SOX5: variants seen among roughly 807,000 people sequenced by gnomAD.
SOX5 encodes the protein transcription factor SOX-5.
A neutral mutation model predicts 92.0 loss-of-function variants in SOX5; 9 were observed. The observed-to-expected ratio is 0.10, with a 90% CI of 0.06 to 0.17. SOX5 has a LOEUF of 0.17. SOX5 is among the 10% of genes least tolerant of loss of function. SOX5 has a pLI of 1.00. For synonymous variants in SOX5, 344 were observed against 336.3 expected, an observed-to-expected ratio of 1.02 and a Z score of -0.25; for missense variants, 642 against 944.5, an observed-to-expected ratio of 0.68 and a Z score of 4.20.
At chr12:23,590,671 TTC>T (rs1951405783) in intron 9 of SOX5, among the ~76,000 whole-genome samples, 1 of 152,088 alleles carries the variant, frequency 6.6e-6, no homozygotes, top group Admixed American at 6.5e-5. Context: ...TTAATTGCTG[TTC>T]TTTTTTTATT....
chr12:24,531,334 A>G (rs1951179911), intron 1 of SOX5, among the ~76,000 whole-genome samples: 2 of 152,204 alleles, frequency 1.3e-5, no homozygotes. Context: ...TGGACAACTT[A>G]GCTCAGAATT....
At chr12:24,442,123 A>T (rs898629011) in intron 1 of SOX5, among the ~76,000 whole-genome samples, 1 of 152,216 alleles carries the variant, frequency 6.6e-6, no homozygotes, top group Non-Finnish European at 1.5e-5. Flanking sequence ...ACACTTTCTT[A>T]AAAAAGGTAT....
intron 1 of SOX5, among the ~76,000 whole-genome samples, chr12:24,410,709 T>G (rs186861195): frequency 1.3e-5 from 2 of 152,368 alleles, no homozygotes. Flanking sequence ...TGTTGATCAC[T>G]ACAGTTACAT....
chr12:24,044,472 G>A (rs1395861088), intron 4 of SOX5, among the ~76,000 whole-genome samples: 8 of 152,122 alleles, frequency 5.3e-5, no homozygotes, highest in African/African-American at 1.9e-4. Flanking sequence ...TCACGATAAG[G>A]CAGGATCTTC....
At chr12:24,100,397 CAA>C (rs969687754) in intron 4 of SOX5, among the ~76,000 whole-genome samples, 2 of 152,132 alleles carry the variant, frequency 1.3e-5, no homozygotes, top group African/African-American at 4.8e-5. Flanking sequence ...TACATTTCAC[CAA>C]AGTCAGTCCT....
chr12:24,165,127 A>G (rs1953244463), intron 4 of SOX5, among the ~76,000 whole-genome samples: 1 of 152,106 alleles, frequency 6.6e-6, no homozygotes, highest in Middle Eastern at 3.2e-3. Flanking sequence ...AACTTTGTGC[A>G]TATGCCTAGT....
chr12:24,351,127 A>C (rs138051210), intron 2 of SOX5, among the ~76,000 whole-genome samples: 1 of 152,234 alleles, frequency 6.6e-6, no homozygotes, highest in East Asian at 1.9e-4. Context: ...AAATTATACA[A>C]CTGATTATCC....
At chr12:23,575,061 G>A (rs1476744401) in intron 10 of SOX5, among the ~76,000 whole-genome samples, 1 of 152,176 alleles carries the variant, frequency 6.6e-6, no homozygotes, top group Non-Finnish European at 1.5e-5. Flanking sequence ...TCTGCAGTCT[G>A]ATTTATGTAT....
rs557831685 is a variant in SOX5, at chr12:24,159,862, C to G, written c.-2+53481G>C. ...ATGAAACATTATTCAGAATACAGTA[C>G]TTGGACGAAAAGTATATTCTCCCCA... On this transcript the variant is annotated intron_variant, in intron 4 of 4. Transcript: ENST00000446891. Among the ~76,000 whole-genome samples the G allele has an allele frequency of 3.3e-5, 5 of 152,044 alleles. No individual in the cohort carries two copies. The East Asian group carries it at 5.8e-4, about 18-fold the overall frequency.
chr12:24,257,477 G>GC (rs1941390277), intron 3 of SOX5, among the ~76,000 whole-genome samples: 2 of 151,704 alleles, frequency 1.3e-5, no homozygotes, highest in South Asian at 2.1e-4. Context: ...GTTTTGTTTT[G>GC]TTTTTTTCTG....
At chr12:24,314,196 T>G (rs2140835576) in intron 2 of SOX5, among the ~76,000 whole-genome samples, 1 of 152,276 alleles carries the variant, frequency 6.6e-6, no homozygotes, top group South Asian at 2.1e-4. Flanking sequence ...GCCAGAGTGA[T>G]CCTTTTAAAT....
chr12:23,853,345 C>T (rs955640477), intron 2 of SOX5, among the ~76,000 whole-genome samples: 2 of 151,412 alleles, frequency 1.3e-5, no homozygotes, highest in Non-Finnish European at 2.9e-5. Flanking sequence ...AATTAGATCT[C>T]ATTTACAATA....
intron 1 of SOX5, among the ~76,000 whole-genome samples, chr12:24,427,484 A>T (rs1231047420): frequency 6.6e-6 from 1 of 152,242 alleles, no homozygotes; most frequent in Non-Finnish European, 1.5e-5. Flanking sequence ...AATGCACTGT[A>T]GCTAAAAATT....
chr12:24,250,980 C>T (rs1310660219), intron 3 of SOX5, among the ~76,000 whole-genome samples: 1 of 152,178 alleles, frequency 6.6e-6, no homozygotes, highest in Non-Finnish European at 1.5e-5. Context: ...TTCCTATAAT[C>T]TTTTGCAGTT....
intron 3 of SOX5, among the ~76,000 whole-genome samples, chr12:23,817,221 C>T (rs574322936): frequency 9.2e-5 from 14 of 152,076 alleles, no homozygotes; most frequent in South Asian, 2.1e-4. Flanking sequence ...TTTAGCCCTC[C>T]GAGTAAGATT....
intron 1 of SOX5, among the ~76,000 whole-genome samples, chr12:24,463,428 T>A (rs924669421): frequency 6.6e-6 from 1 of 152,172 alleles, no homozygotes; most frequent in African/African-American, 2.4e-5. Flanking sequence ...GGAAACAGAA[T>A]GACAAGACCT....
At chr12:23,822,058 T>G (rs2096129666) in intron 3 of SOX5, among the ~76,000 whole-genome samples, 2 of 152,166 alleles carry the variant, frequency 1.3e-5, no homozygotes, top group Admixed American at 1.3e-4. Flanking sequence ...ATTTTGTTAA[T>G]CTTTTCAAAA....
intron 4 of SOX5, among the ~76,000 whole-genome samples, chr12:24,112,486 T>C (rs1947469776): frequency 6.6e-6 from 1 of 150,690 alleles, no homozygotes; most frequent in Non-Finnish European, 1.5e-5. Context: ...GTAGATGGAA[T>C]GTGACTGCAG....
At chr12:23,874,194 G>C (rs1042388039) in intron 2 of SOX5, among the ~76,000 whole-genome samples, 1 of 152,208 alleles carries the variant, frequency 6.6e-6, no homozygotes, top group Non-Finnish European at 1.5e-5. Context: ...TTCATTTTCA[G>C]TAAGATTTAA....
Sources: allele counts gnomAD v4.1 joint callset (sites outside exome capture counted in the v4.1 genomes callset), GRCh38; gene constraint gnomAD v4.1.1; transcripts MANE v1.5; gene names NCBI Gene and HGNC (gene_info 2026-07-23, HGNC 2026-07-21).